The following FAM13A variants were observed in gnomAD, a reference collection of about 807,000 sequenced individuals.
The protein encoded by FAM13A is protein FAM13A.
In FAM13A, 76 loss-of-function variants were observed where a neutral mutation model predicts 129.6. The ratio of observed to expected loss-of-function variants is 0.59; its 90% CI spans 0.49 to 0.71. The LOEUF (loss-of-function observed/expected upper bound fraction) is 0.71, where lower values mean the gene tolerates loss of function less well. Among genes scored for constraint, FAM13A ranks in the 30% least tolerant of loss-of-function variants. The pLI is 0.00. For synonymous variants in FAM13A, 443 were observed against 449.9 expected (o/e 0.98, Z 0.20); for missense variants, 1,108 against 1,249.3 (o/e 0.89, Z 1.70).
At chr4:88,876,929 T>A (rs890480589) in intron 6 of FAM13A, among the ~76,000 whole-genome samples, 7 of 152,194 alleles carry the variant, frequency 4.6e-5, no homozygotes, top group African/African-American at 7.2e-5. Context: ...CCAATATTTT[T>A]AAAATATAAT....
At chr4:88,733,619 A>T (rs1413532308) in intron 21 of FAM13A, among the ~76,000 whole-genome samples, 1 of 152,124 alleles carries the variant, frequency 6.6e-6, no homozygotes, top group Non-Finnish European at 1.5e-5. Context: ...CCTCCCCTGG[A>T]TAAGGAAAAC....
intron 14 of FAM13A, among the ~76,000 whole-genome samples, chr4:88,750,934 T>C (rs1742463901): frequency 6.6e-6 from 1 of 152,162 alleles, no homozygotes; most frequent in Admixed American, 6.5e-5. Context: ...CAATTAGTGA[T>C]AAAAACTCTT....
At chr4:88,919,135 T>C (rs1220085932) in intron 5 of FAM13A, among the ~76,000 whole-genome samples, 1 of 152,244 alleles carries the variant, frequency 6.6e-6, no homozygotes, top group Non-Finnish European at 1.5e-5. Flanking sequence ...CTAAATTATA[T>C]AAGTACCATA....
intron 7 of FAM13A, among the ~76,000 whole-genome samples, chr4:88,849,044 T>C (rs1737128960): frequency 6.6e-6 from 1 of 152,240 alleles, no homozygotes; most frequent in Non-Finnish European, 1.5e-5. Flanking sequence ...TTGTATTTTA[T>C]GTTTCTATGT....
intron 14 of FAM13A, among the ~76,000 whole-genome samples, chr4:88,758,000 G>C (rs576238505): frequency 2.0e-5 from 3 of 152,300 alleles, no homozygotes; most frequent in South Asian, 4.1e-4. Context: ...TATAGAGGTA[G>C]ACTGGCATTT....
chr4:88,884,237 T>G (rs1474905584), intron 6 of FAM13A, among the ~76,000 whole-genome samples: 1 of 152,054 alleles, frequency 6.6e-6, no homozygotes, highest in African/African-American at 2.4e-5. Context: ...ATATCCCTGA[T>G]GAACACAGAT....
chr4:88,838,203 T>C (rs1274528837), intron 7 of FAM13A, among the ~76,000 whole-genome samples: 1 of 152,208 alleles, frequency 6.6e-6, no homozygotes, highest in East Asian at 1.9e-4. Context: ...CCCAGGGATA[T>C]ACCTACGTAT....
At chr4:88,733,912 A>G (rs948948816) in intron 21 of FAM13A, among the ~76,000 whole-genome samples, 6 of 152,266 alleles carry the variant, frequency 3.9e-5, no homozygotes, top group Non-Finnish European at 7.3e-5. Context: ...AGAGAACTTA[A>G]AAGTGTGGAA....
chr4:89,039,984 C>T (rs1769899020), intron 1 of FAM13A, among the ~76,000 whole-genome samples: 1 of 151,468 alleles, frequency 6.6e-6, no homozygotes, highest in Non-Finnish European at 1.5e-5. Flanking sequence ...ATAAAAACAG[C>T]CAATTGTCTC....
intron 4 of FAM13A, among the ~76,000 whole-genome samples, chr4:88,945,824 A>AAGTAT (rs774149025): frequency 8.2e-4 from 116 of 142,106 alleles, no homozygotes; most frequent in South Asian, 2.0e-3. Flanking sequence ...ATATATATAT[A>AAGTAT]CTACATATTC....
At chr4:88,844,922 G>A (rs1229170810) in intron 7 of FAM13A, among the ~76,000 whole-genome samples, 2 of 152,180 alleles carry the variant, frequency 1.3e-5, no homozygotes, top group Non-Finnish European at 2.9e-5. Context: ...GAGGGACTGG[G>A]AAGACAAGTC....
intron 5 of FAM13A, among the ~76,000 whole-genome samples, chr4:88,916,615 A>C (rs1750164127): frequency 6.6e-6 from 1 of 152,142 alleles, no homozygotes; most frequent in Non-Finnish European, 1.5e-5. Context: ...TACCATATGC[A>C]AGTGTGCAAG....
Position 88,984,713 on chromosome 4 carries a change from C to A in FAM13A, c.605+6260G>T, listed in dbSNP as rs78867428. 5.5e-3 allele frequency among the ~76,000 whole-genome samples: 830 copies of A among 152,204 alleles called. 8 individuals carry two copies. The highest frequency in any genetic ancestry group is 0.019 in the African/African-American group (793 of 41,532). On this transcript the variant is annotated intron_variant, in intron 4 of 23. Transcript: ENST00000264344. Reference sequence around the variant, plus strand: ...TGTCTTTCTCTTCATATATTTTTGTCTTTTGCCATTTTCCTATTAGGTCCT... The same window carrying A: ...TGTCTTTCTCTTCATATATTTTTGTATTTTGCCATTTTCCTATTAGGTCCT...
intron 6 of FAM13A, among the ~76,000 whole-genome samples, chr4:88,860,750 T>C (rs913704702): frequency 6.6e-6 from 1 of 152,218 alleles, no homozygotes. Flanking sequence ...GGGAAGCTGA[T>C]GGAATGTTTT....
intron 7 of FAM13A, chr4:88,823,330 T>TC: frequency 1.2e-5 from 13 of 1,111,140 alleles, no homozygotes; most frequent in Non-Finnish European, 1.4e-5. Context: ...CTCCTCCTCC[T>TC]CCCCCGCACC....
intron 6 of FAM13A, among the ~76,000 whole-genome samples, chr4:88,868,914 T>C (rs910423130): frequency 3.3e-5 from 5 of 152,232 alleles, no homozygotes; most frequent in Admixed American, 1.3e-4. Flanking sequence ...TAATTCTTAA[T>C]TTTTATCTTT....
At chr4:88,897,243 C>A (rs1250195270) in intron 6 of FAM13A, among the ~76,000 whole-genome samples, 2 of 152,144 alleles carry the variant, frequency 1.3e-5, no homozygotes, top group Non-Finnish European at 2.9e-5. Context: ...GTCATCCACT[C>A]CAATTATTTG....
chr4:88,826,497 C>G (rs953067542), intron 7 of FAM13A, among the ~76,000 whole-genome samples: 46 of 152,108 alleles, frequency 3.0e-4, no homozygotes, highest in African/African-American at 9.9e-4. Context: ...ACTAAAAATT[C>G]GTAATACTTA....
At chr4:88,926,126 G>A (rs1431416006) in intron 5 of FAM13A, among the ~76,000 whole-genome samples, 5 of 152,038 alleles carry the variant, frequency 3.3e-5, no homozygotes, top group East Asian at 1.9e-4. Flanking sequence ...GGGAGAGCTC[G>A]GGCAACAGTG....
Sources: gnomAD v4.1 joint callset for allele counts (sites outside exome capture counted in the v4.1 genomes callset) on GRCh38, gnomAD v4.1.1 for gene constraint, MANE v1.5 for transcripts, NCBI Gene and HGNC (gene_info 2026-07-23, HGNC 2026-07-21) for gene names.